The following LRP12 variants were observed in gnomAD, a reference collection of about 807,000 sequenced individuals.
LRP12 encodes the protein LDL receptor related protein 12.
LRP12 carries 14 observed loss-of-function variants against 66.0 expected under a neutral mutation model. The ratio of observed to expected loss-of-function variants is 0.21; its 90% CI spans 0.14 to 0.33. The LOEUF (loss-of-function observed/expected upper bound fraction) is 0.33, where lower values mean the gene tolerates loss of function less well. Ranked by LOEUF, LRP12 falls within the 10% of genes least tolerant of loss-of-function variation. The pLI is 1.00. For missense variants in LRP12, 889 were observed against 1,053.4 expected (o/e 0.84, Z 2.16); for synonymous variants, 357 against 359.1 (o/e 0.99, Z 0.07).
chr8:104,565,899 G>T (rs1811993131), intron 1 of LRP12, among the ~76,000 whole-genome samples: 1 of 144,218 alleles, frequency 6.9e-6, no homozygotes, highest in South Asian at 2.3e-4. Context: ...CCCCATACAT[G>T]TTACTTGGTT....
At chr8:104,555,809 G>T (rs1310126379) in intron 1 of LRP12, among the ~76,000 whole-genome samples, 1 of 151,824 alleles carries the variant, frequency 6.6e-6, no homozygotes, top group East Asian at 1.9e-4. Flanking sequence ...TAAAACAAAT[G>T]GACTTAACAG....
chr8:104,501,846 CTAATT>C (rs1810832435), intron 3 of LRP12, among the ~76,000 whole-genome samples: 1 of 152,016 alleles, frequency 6.6e-6, no homozygotes, highest in Admixed American at 6.6e-5. Flanking sequence ...TTCATTAAGT[CTAATT>C]TGTTATTTTT....
chr8:104,525,613 T>A (rs764410058), intron 2 of LRP12, among the ~76,000 whole-genome samples: 22 of 151,704 alleles, frequency 1.5e-4, no homozygotes, highest in Non-Finnish European at 2.8e-4. Flanking sequence ...ATATTTTAAC[T>A]AGGCTTTTTA....
rs1177765950 is a variant in LRP12, at chr8:104,490,872, G to A, written c.2381C>T (p.Pro794Leu). The A allele has an allele frequency of 6.2e-7, 1 of 1,614,052 alleles. No homozygotes were observed. The highest frequency in any genetic ancestry group is 1.1e-5 in the South Asian group (1 of 91,076). Residue 794 changes from proline (P) to leucine (L), a missense_variant, in exon 7 of 7, where the codon CCT (proline) becomes CTT (leucine). Pro to Leu is a moderately conservative substitution (Grantham distance 98). Coordinates refer to ENST00000276654, the MANE Select transcript of LRP12 (RefSeq NM_013437.5). ...SDFDVNDCSRPLLDLASDQGQ... is the reference protein window; with the variant it reads ...SDFDVNDCSRLLLDLASDQGQ... The stretch of plus-strand genomic sequence containing the variant: ...TTGATCTGAGGCAAGATCAAGAAGA[G>A]GTCTGGAGCAGTCATTCACATCAAA...
At chr8:104,582,819 A>G (rs928650797) in intron 1 of LRP12, among the ~76,000 whole-genome samples, 2 of 152,112 alleles carry the variant, frequency 1.3e-5, no homozygotes, top group Non-Finnish European at 2.9e-5. Context: ...AAACCATTCT[A>G]CTGAATTGAG....
At chr8:104,507,758 T>C (rs1810930539) in intron 3 of LRP12, 2 of 152,256 alleles carry the variant, frequency 1.3e-5, no homozygotes, top group Middle Eastern at 3.4e-3. Flanking sequence ...AGCTTTTGTA[T>C]GTGCCAAGCT....
intron 6 of LRP12, among the ~76,000 whole-genome samples, chr8:104,493,236 C>A (rs1333045637): frequency 6.6e-6 from 1 of 152,158 alleles, no homozygotes; most frequent in Admixed American, 6.5e-5. Flanking sequence ...AAGCGTTTCT[C>A]CTTTGAGTGA....
rs1316767722 is a variant in LRP12 at position 104,499,577 on chromosome 8, T to C, written c.273-58A>G. On this transcript the variant is annotated intron_variant, in intron 3 of 6. Coordinates refer to ENST00000276654, the MANE Select transcript of LRP12 (RefSeq NM_013437.5). ...GTCAATTTTGGAAAAAAAAATCGTA[T>C]TACAAAGTAACTGAGGATATTATTA... 4.9e-6 allele frequency: 6 copies of C among 1,221,734 alleles called. No individual in the cohort carries two copies. The East Asian group carries it at 1.2e-4, about 24-fold the overall frequency. The allele number at this position is 1,221,734 out of a possible 1,614,324, so 75.7% of individuals were successfully genotyped here. A position where few individuals can be genotyped will look rare whatever the true frequency, so the allele number is the denominator to read the frequency against.
chr8:104,557,939 G>A (rs1202057648), intron 1 of LRP12, among the ~76,000 whole-genome samples: 1 of 152,136 alleles, frequency 6.6e-6, no homozygotes, highest in Non-Finnish European at 1.5e-5. Context: ...GCCTAGCGCA[G>A]TGGTTCACTC....
rs373363011 is a variant in LRP12 at position 104,497,849 on chromosome 8, C to T, written c.703G>A (p.Glu235Lys). Reference protein sequence around the residue: ...RFTKVYTCLPESLKCDGNIDC... With the variant: ...RFTKVYTCLPKSLKCDGNIDC... ...ATGTTCCCATCACATTTTAAAGATTCGGGGAGGCAAGTGTAAACTTTGGTA... is the reference window on the plus strand; with the variant it reads ...ATGTTCCCATCACATTTTAAAGATTTGGGGAGGCAAGTGTAAACTTTGGTA... The change falls in exon 5 of 7, where the codon GAA (glutamate) becomes AAA (lysine). Residue 235 changes from glutamate to lysine, a missense_variant. Transcript: ENST00000276654. This position sits in a 1 kb window ranked among gnomAD's most constrained non-coding sequence, Gnocchi z 4.3. 1.6e-5 allele frequency: 26 copies of T among 1,614,030 alleles called. No homozygotes were observed. The highest frequency in any genetic ancestry group is 1.1e-4 in the African/African-American group (8 of 74,914).
chr8:104,562,083 G>C (rs1469749624), intron 1 of LRP12, among the ~76,000 whole-genome samples: 1 of 152,084 alleles, frequency 6.6e-6, no homozygotes, highest in African/African-American at 2.4e-5. Flanking sequence ...AATCTTTCTG[G>C]AAAACAAATC....
At chr8:104,541,017 C>A (rs1213236342) in intron 1 of LRP12, among the ~76,000 whole-genome samples, 1 of 152,198 alleles carries the variant, frequency 6.6e-6, no homozygotes, top group Non-Finnish European at 1.5e-5. Flanking sequence ...CAGGCGTGAG[C>A]CACCGCGCCC....
At position 104,573,958 on chromosome 8, in the gene LRP12, C is replaced by G. The variant is rs189496875; in HGVS notation, c.79+14861G>C. ...CTAGCAGATTAAAATATATCATTAG[C>G]AAGGTGGTATGCCCTATGAATGAAT... On this transcript the variant is annotated intron_variant, in intron 1 of 6. Coordinates refer to ENST00000276654, the MANE Select transcript of LRP12 (RefSeq NM_013437.5). 1.7e-3 allele frequency among the ~76,000 whole-genome samples: 259 copies of G among 152,150 alleles called. 1 individual carries two copies. Among genetic ancestry groups the G allele is most frequent in the African/African-American group, 5.9e-3 (244 of 41,514 alleles).
At chr8:104,569,513 A>C (rs1307763147) in intron 1 of LRP12, among the ~76,000 whole-genome samples, 1 of 152,176 alleles carries the variant, frequency 6.6e-6, no homozygotes, top group East Asian at 1.9e-4. Flanking sequence ...AAGTCAATCA[A>C]TGTAATCCAT....
chr8:104,502,972 G>A (rs1282490961), intron 3 of LRP12, among the ~76,000 whole-genome samples: 1 of 152,094 alleles, frequency 6.6e-6, no homozygotes, highest in Non-Finnish European at 1.5e-5. Context: ...ATCACCTGAG[G>A]TCAGAAGTTC....
chr8:104,526,137 C>G (rs1445059458), intron 2 of LRP12, among the ~76,000 whole-genome samples: 1 of 151,844 alleles, frequency 6.6e-6, no homozygotes, highest in Non-Finnish European at 1.5e-5. Flanking sequence ...ACGTGAAGGA[C>G]CTCTTCAAGG....
chr8:104,549,653 C>T (rs1482504002), intron 1 of LRP12, among the ~76,000 whole-genome samples: 2 of 152,142 alleles, frequency 1.3e-5, no homozygotes, highest in Admixed American at 6.5e-5. Context: ...CCGCCCGCCT[C>T]GGCCTCCCAA....
intron 3 of LRP12, 43 bp from the exon 4 acceptor site, chr8:104,499,562 GA>G (rs770466018): frequency 4.6e-5 from 65 of 1,398,136 alleles, no homozygotes; most frequent in Middle Eastern, 1.8e-4. Context: ...GTCAATTTTG[GA>G]AAAAAAAATC....
intron 1 of LRP12, among the ~76,000 whole-genome samples, chr8:104,549,400 CTTT>C (rs66644217): frequency 0.028 from 3,320 of 116,648 alleles, 112 homozygotes; most frequent in African/African-American, 0.1. Context: ...TCTGAATCCA[CTTT>C]TTTTTTTTTT....
Sources: allele counts gnomAD v4.1 joint callset (sites outside exome capture counted in the v4.1 genomes callset), GRCh38; gene constraint gnomAD v4.1.1; non-coding constraint Gnocchi (gnomAD v3.1); transcripts MANE v1.5; gene names NCBI Gene and HGNC (gene_info 2026-07-23, HGNC 2026-07-21).